The following CCT5 variants were observed in gnomAD, a reference collection of about 807,000 sequenced individuals.
CCT5 encodes the protein chaperonin containing TCP1 subunit 5.
A neutral mutation model predicts 55.0 loss-of-function variants in CCT5; 6 were observed. The ratio of observed to expected loss-of-function variants is 0.11; its 90% CI spans 0.06 to 0.22. CCT5 has a LOEUF of 0.22. Ranked by LOEUF, CCT5 falls within the 10% of genes least tolerant of loss-of-function variation. The probability of loss-of-function intolerance (pLI) is 1.00; values close to 1 mark genes in which losing one functional copy is unlikely to be tolerated. For missense variants in CCT5, 560 were observed against 694.6 expected (o/e 0.81, Z 2.18); for synonymous variants, 231 against 243.7 (o/e 0.95, Z 0.49).
rs1479352026 is a variant in CCT5 at position 10,255,979 on chromosome 5, A to T, written c.356A>T (p.Glu119Val). The T allele has an allele frequency of 6.2e-7, 1 of 1,614,192 alleles. No individual in the cohort carries two copies. ...VVVLAGALLE[E>V]AEQLLDRGIH... ...GTCCTGGCTGGTGCCTTGTTAGAAG[A>T]AGCGGAGCAATTGCTAGACCGAGGC... Residue 119 changes from glutamate to valine, a missense_variant, in exon 4 of 11, where the codon GAA becomes GTA. Glu to Val is a moderately radical substitution (Grantham distance 121). Around this residue, in one of 4 missense-constraint regions of CCT5, gnomAD observed 137 missense variants for 181.9 expected, o/e 0.75. Coordinates refer to ENST00000280326, the MANE Select transcript of CCT5 (RefSeq NM_012073.5).
chr5:10,264,767 G>A lies in CCT5; in HGVS notation c.1610G>A (p.Gly537Glu). The A allele has an allele frequency of 6.2e-7, 1 of 1,610,352 alleles. No homozygotes were observed. Among genetic ancestry groups the A allele is most frequent in the Non-Finnish European group, 8.5e-7 (1 of 1,176,548 alleles). ...AAGATTGATGACATTCGTAAGCCTG[G>A]AGAATCTGAAGAATGAAGACATTGA... is the stretch of plus-strand genomic sequence containing the variant. ...ILKIDDIRKP[G>E]ESEE Residue 537 changes from glycine to glutamate, a missense_variant, in exon 11 of 11, where the codon GGA becomes GAA. By Grantham distance (98) the Gly-to-Glu change is moderately conservative. Transcript: ENST00000280326.
intron 6 of CCT5, among the ~76,000 whole-genome samples, chr5:10,259,666 T>C (rs932101670): frequency 6.6e-6 from 1 of 152,156 alleles, no homozygotes; most frequent in African/African-American, 2.4e-5. Context: ...CCAGGAACAT[T>C]GTTGGCTTGT....
At chr5:10,249,944 G>A, upstream of CCT5, 1 of 934,304 alleles carries the variant, frequency 1.1e-6, no homozygotes, top group Admixed American at 2.8e-5. Context: ...ACCGGAAATG[G>A]GTCCTACCAT....
rs932653146 is a variant in CCT5, at chr5:10,263,350, G to C, written c.1498+36G>C. The C allele has an allele frequency of 2.2e-3, 155 of 71,264 alleles. 1 individual carries two copies. Among genetic ancestry groups the C allele is most frequent in the Middle Eastern group, 0.014 (4 of 290 alleles). 4.4% of individuals were successfully genotyped at this position (71,264 alleles called of 1,614,324 possible). On this transcript the variant is annotated intron_variant, in intron 10 of 10. Coordinates refer to ENST00000280326, the MANE Select transcript of CCT5 (RefSeq NM_012073.5). ...GTCACGCCTCTGCGTGGAGGGGGGG[G>C]GATGTCTGATTTAAACTGAATAATC...
intron 1 of CCT5, chr5:10,250,877 C>T (rs1745361401): frequency 9.6e-7 from 1 of 1,043,762 alleles, no homozygotes; most frequent in African/African-American, 1.7e-5. Flanking sequence ...CTTCCGTTTT[C>T]TTTGTCACTC....
upstream of CCT5, chr5:10,250,141 C>T: frequency 3.3e-6 from 5 of 1,536,616 alleles, no homozygotes; most frequent in South Asian, 2.4e-5. Flanking sequence ...CCCCGGCTTC[C>T]TGGATAATAG....
chr5:10,256,170 G>GAT lies in CCT5; in HGVS notation c.530+20_530+21dup. ...CTCCAAAGTGTACGTTTCAGTAGAT[G>GAT]ATATGATTACCCATTTGTAGAGGAG... On this transcript the variant is annotated intron_variant, in intron 4 of 10. Coordinates refer to ENST00000280326, the MANE Select transcript of CCT5 (RefSeq NM_012073.5). 1 of 1,606,360 alleles carries GAT rather than the reference G, an allele frequency of 6.2e-7. No homozygotes were observed. The highest frequency in any genetic ancestry group is 8.5e-7 in the Non-Finnish European group (1 of 1,176,092).
chr5:10,258,364 A>G (rs372716481), intron 5 of CCT5, 22 bp from the exon 6 acceptor site: 2 of 1,613,970 alleles, frequency 1.2e-6, no homozygotes, highest in Non-Finnish European at 1.7e-6. Context: ...ACCAATTAAA[A>G]TGTCTTTATG....
intron 4 of CCT5, 191 bp from the exon 5 acceptor site, chr5:10,257,920 T>C (rs1745763119): frequency 3.1e-6 from 2 of 649,730 alleles, no homozygotes; most frequent in Non-Finnish European, 5.5e-6. Flanking sequence ...TACAGTCCCC[T>C]TTAGGGCCCA....
At chr5:10,262,267 G>A (rs1303465965) in intron 8 of CCT5, 16 of 575,050 alleles carry the variant, frequency 2.8e-5, no homozygotes, top group South Asian at 9.6e-5. Context: ...TTGCTTGACC[G>A]TGTATCCTAG....
rs1745795018 is a variant in CCT5 at position 10,258,551 on chromosome 5, G to A, written c.873+16G>A. 1 of 1,608,940 alleles carries A rather than the reference G, an allele frequency of 6.2e-7. No homozygotes were observed. ...GATTCAACAAGTAAGTCTTACCAGA[G>A]TCCTCAGTGGAATTTAAACTCCCAA... On this transcript the variant is annotated intron_variant, in intron 6 of 10. Transcript: ENST00000280326.
At chr5:10,261,934 C>T in intron 8 of CCT5, 189 bp downstream of exon 8, 1 of 664,754 alleles carries the variant, frequency 1.5e-6, no homozygotes, top group Non-Finnish European at 2.8e-6. Flanking sequence ...GGCACATTTG[C>T]CTTTCTGCTG....
chr5:10,264,936 G>C lies in CCT5; in HGVS notation c.*153G>C. On this transcript the variant is annotated 3_prime_UTR_variant, in exon 11 of 11. Transcript: ENST00000280326. ...CTGTTTGGTAACCATAGTTTCACTT[G>C]TTCAAAGCTGTGTAATCGTGGGGGT... The C allele has an allele frequency of 4.2e-6, 4 of 959,750 alleles. No individual in the cohort carries two copies. The South Asian group carries it at 6.4e-5, about 15-fold the overall frequency. The allele number at this position is 959,750 out of a possible 1,614,324, so 59.5% of individuals were successfully genotyped here.
chr5:10,253,531 C>T (rs1259531932), intron 1 of CCT5, among the ~76,000 whole-genome samples: 1 of 152,166 alleles, frequency 6.6e-6, no homozygotes, highest in East Asian at 1.9e-4. Flanking sequence ...GGGTTGCAGG[C>T]TCTAGTACTG....
At position 10,250,363 on chromosome 5, in the gene CCT5, C is replaced by T; in HGVS notation, c.23C>T (p.Ala8Val). Residue 8 changes from alanine (A) to valine (V), a missense_variant, in exon 1 of 11, where the codon GCC (alanine) becomes GTC (valine). By Grantham distance (64) the Ala-to-Val change is moderately conservative. Transcript: ENST00000280326. ...ACCATGGCGTCCATGGGGACCCTCG[C>T]CTTCGATGAATATGGGCGCCCTTTC... is the stretch of plus-strand genomic sequence containing the variant. MASMGTL[A>V]FDEYGRPFLI... The T allele has an allele frequency of 6.2e-7, 1 of 1,614,132 alleles. No homozygotes were observed. The highest frequency in any genetic ancestry group is 8.5e-7 in the Non-Finnish European group (1 of 1,180,032).
At chr5:10,259,394 T>TG (rs1352759478) in intron 6 of CCT5, among the ~76,000 whole-genome samples, 1 of 152,190 alleles carries the variant, frequency 6.6e-6, no homozygotes. Context: ...TGTCTGTTCT[T>TG]GGGAAAGTTG....
intron 7 of CCT5, chr5:10,261,181 G>T (rs1745941453): frequency 1.9e-6 from 1 of 517,150 alleles, no homozygotes; most frequent in Admixed American, 3.1e-5. Context: ...GGAAGACCTG[G>T]TCTCATCCAA....
intron 1 of CCT5, chr5:10,250,676 C>T (rs1745343183): frequency 3.6e-6 from 5 of 1,402,816 alleles, no homozygotes; most frequent in African/African-American, 1.5e-5. Context: ...CGCCAGCGCC[C>T]TTCGGAGCTG....
At chr5:10,255,873 A>G in intron 3 of CCT5, 82 bp from the exon 4 acceptor site, 1 of 1,184,210 alleles carries the variant, frequency 8.4e-7, no homozygotes, top group East Asian at 2.4e-5. Context: ...TCTTTCCATG[A>G]TAGCATCTAA....
Sources: allele counts gnomAD v4.1 joint callset (sites outside exome capture counted in the v4.1 genomes callset), GRCh38; gene constraint gnomAD v4.1.1; regional missense constraint gnomAD v4.1.1; transcripts MANE v1.5; gene names NCBI Gene and HGNC (gene_info 2026-07-23, HGNC 2026-07-21).